RNF115: variants seen among roughly 807,000 people sequenced by gnomAD.
The protein encoded by RNF115 is ring finger protein 115.
In RNF115, 31 loss-of-function variants were observed where a neutral mutation model predicts 39.2. The observed-to-expected ratio is 0.79, with a 90% CI of 0.59 to 1.07. RNF115 has a LOEUF of 1.07. RNF115 is among the 50% of genes least tolerant of loss of function. RNF115 has a pLI of 0.00. For synonymous variants in RNF115, 124 were observed against 131.0 expected (o/e 0.95, Z 0.37); for missense variants, 384 against 381.7 (o/e 1.01, Z -0.05).
In RNF115 at chr1:145,743,831, AAT is replaced by A. The variant is rs1571697139; in HGVS notation, c.*3033_*3034del. 25 of 150,544 alleles carry A rather than the reference AAT, an allele frequency of 1.7e-4. No individual in the cohort carries two copies. The highest frequency in any genetic ancestry group is 1.2e-4 in the Non-Finnish European group (8 of 67,690). The allele number at this position is 150,544 out of a possible 1,614,324, so 9.3% of individuals were successfully genotyped here. ...ATAAATAAATAATAATAATAATAAT[AAT>A]AAATCCCTGAAGAATCCTAACTCCT... On this transcript the variant is annotated 3_prime_UTR_variant, in exon 9 of 9. Coordinates refer to ENST00000582693, the MANE Select transcript of RNF115 (RefSeq NM_014455.4).
rs1657631731 is a variant in RNF115, at chr1:145,739,630, A to C, written c.*7236T>G. Reference sequence around the variant, plus strand: ...AGTCTCACTCTGTTGCCCAGGCTGGAGTGCAGTGGCATGATCTCAGCTCAC... The same window carrying C: ...AGTCTCACTCTGTTGCCCAGGCTGGCGTGCAGTGGCATGATCTCAGCTCAC... On this transcript the variant is annotated 3_prime_UTR_variant, in exon 9 of 9. Transcript: ENST00000582693. The C allele has an allele frequency of 6.8e-6, 1 of 147,820 alleles. No homozygotes were observed. The highest frequency in any genetic ancestry group is 6.9e-5 in the Admixed American group (1 of 14,576). 9.2% of individuals were successfully genotyped at this position (147,820 alleles called of 1,614,324 possible). A position where few individuals can be genotyped will look rare whatever the true frequency, so the allele number is the denominator to read the frequency against.
intron 4 of RNF115, among the ~76,000 whole-genome samples, chr1:145,764,922 A>G (rs587666486): frequency 1.3e-5 from 2 of 152,316 alleles, no homozygotes; most frequent in South Asian, 4.1e-4. Flanking sequence ...TAGGAGGTGT[A>G]CCCAACAGCT....
intron 4 of RNF115, among the ~76,000 whole-genome samples, chr1:145,762,264 T>C (rs1046307303): frequency 6.6e-6 from 1 of 152,160 alleles, no homozygotes; most frequent in South Asian, 2.1e-4. Context: ...GGTTTTGAAA[T>C]GTGAAGACAT....
chr1:145,781,512 T>TG (rs1392349212), intron 3 of RNF115, among the ~76,000 whole-genome samples: 1 of 152,188 alleles, frequency 6.6e-6, no homozygotes, highest in Non-Finnish European at 1.5e-5. Context: ...AAGGCTCCAG[T>TG]GCAAGTTCTA....
intron 4 of RNF115, among the ~76,000 whole-genome samples, chr1:145,768,403 C>G (rs1647480684): frequency 6.6e-6 from 1 of 152,232 alleles, no homozygotes. Flanking sequence ...GCAACCTCCA[C>G]CTCCCAGGTT....
rs587627578 is a variant in RNF115 at position 145,742,519 on chromosome 1, C to G, written c.*4347G>C. 1.3e-5 allele frequency: 2 copies of G among 152,244 alleles called. No homozygotes were observed. The highest frequency in any genetic ancestry group is 4.2e-4 in the South Asian group (2 of 4,814). The allele number at this position is 152,244 out of a possible 1,614,324, so 9.4% of individuals were successfully genotyped here. ...AGCCCAAGCCAACAGTGCCCCATAC[C>G]AGAGAACTCAGGGAAACAAAGACCC... On this transcript the variant is annotated 3_prime_UTR_variant, in exon 9 of 9. Transcript: ENST00000582693.
chr1:145,771,477 A>G (rs1232197441), intron 4 of RNF115, among the ~76,000 whole-genome samples: 1 of 152,220 alleles, frequency 6.6e-6, no homozygotes, highest in African/African-American at 2.4e-5. Context: ...CATATCATCT[A>G]TAAATTAATC....
intron 1 of RNF115, among the ~76,000 whole-genome samples, chr1:145,793,254 C>T (rs1312313864): frequency 6.6e-6 from 1 of 152,180 alleles, no homozygotes; most frequent in Non-Finnish European, 1.5e-5. Context: ...GAAGTTGAGG[C>T]TGCAGTAAGC....
chr1:145,798,802 T>C (rs1395367924), intron 1 of RNF115, among the ~76,000 whole-genome samples: 1 of 152,172 alleles, frequency 6.6e-6, no homozygotes, highest in African/African-American at 2.4e-5. Context: ...GAACACAGGA[T>C]GTCTTTCTAT....
chr1:145,774,005 A>G (rs1338920044), intron 3 of RNF115, among the ~76,000 whole-genome samples: 3 of 152,096 alleles, frequency 2.0e-5, no homozygotes, highest in African/African-American at 7.2e-5. Context: ...AAATGCCACA[A>G]AGATCTCTTA....
chr1:145,821,353 G>C (rs1553724336), intron 1 of RNF115, among the ~76,000 whole-genome samples: 1 of 129,742 alleles, frequency 7.7e-6, no homozygotes, highest in Non-Finnish European at 1.8e-5. Flanking sequence ...CTAAGGCTTA[G>C]AAAAACACCT....
At chr1:145,761,891 T>C (rs1224765922) in intron 4 of RNF115, among the ~76,000 whole-genome samples, 1 of 152,156 alleles carries the variant, frequency 6.6e-6, no homozygotes, top group Non-Finnish European at 1.5e-5. Flanking sequence ...CCCGCAAAGC[T>C]ACAGGGGTGG....
chr1:145,766,765 C>A (rs1647310327), intron 4 of RNF115, among the ~76,000 whole-genome samples: 7 of 88,496 alleles, frequency 7.9e-5, no homozygotes, highest in Admixed American at 7.3e-4. Flanking sequence ...AGGCGCCCCT[C>A]ACCTCCCGGA....
Position 145,746,889 on chromosome 1 carries a change from G to A in RNF115, c.892C>T (p.Leu298=), listed in dbSNP as rs145517263. The A allele has an allele frequency of 1.5e-3, 2,417 of 1,614,058 alleles. 6 individuals are homozygous for A. Among genetic ancestry groups the A allele is most frequent in the Non-Finnish European group, 1.8e-3 (2,157 of 1,179,996 alleles). The change falls in exon 9 of 9, where the codon CTA becomes TTA. Residue 298 remains leucine (L), a synonymous_variant. Coordinates refer to ENST00000582693, the MANE Select transcript of RNF115 (RefSeq NM_014455.4). The part of the protein sequence containing the change: ...ASNRFSNDSQ[L]HDRWTF ...CTTCAGAAAGTCCATCGGTCATGTAGCTGACTGTCATTGCTAAATCTGTTG... is the reference window on the plus strand; with the variant it reads ...CTTCAGAAAGTCCATCGGTCATGTAACTGACTGTCATTGCTAAATCTGTTG...
intron 1 of RNF115, among the ~76,000 whole-genome samples, chr1:145,799,318 G>A (rs377518605): frequency 2.6e-5 from 4 of 151,998 alleles, no homozygotes; most frequent in African/African-American, 4.8e-5. Context: ...CGCCTGCCTC[G>A]GCCTCCCAAA....
At chr1:145,816,669 C>G (rs1553723600) in intron 1 of RNF115, among the ~76,000 whole-genome samples, 2 of 145,078 alleles carry the variant, frequency 1.4e-5, no homozygotes, top group Non-Finnish European at 1.5e-5. Flanking sequence ...GATGTAAACT[C>G]AATACCCAGC....
intron 4 of RNF115, among the ~76,000 whole-genome samples, chr1:145,756,629 C>A (rs984505170): frequency 6.6e-6 from 1 of 152,114 alleles, no homozygotes; most frequent in African/African-American, 2.4e-5. Flanking sequence ...TTTATTCGTT[C>A]ACTGATGTGG....
In RNF115 at chr1:145,746,750, T is replaced by A; in HGVS notation, c.*116A>T. ...AGAAAAACATTCATTGCATTTATAT[T>A]ATGTGTTGAGTTTCTTACATATTCC... On this transcript the variant is annotated 3_prime_UTR_variant, in exon 9 of 9. Coordinates refer to ENST00000582693, the MANE Select transcript of RNF115 (RefSeq NM_014455.4). 1 of 963,412 alleles carries A rather than the reference T, an allele frequency of 1.0e-6. No homozygotes were observed. The highest frequency in any genetic ancestry group is 1.5e-6 in the Non-Finnish European group (1 of 653,572). The allele number at this position is 963,412 out of a possible 1,614,324, so 59.7% of individuals were successfully genotyped here.
intron 3 of RNF115, among the ~76,000 whole-genome samples, chr1:145,779,376 T>C (rs1648022125): frequency 1.3e-5 from 2 of 152,086 alleles, no homozygotes; most frequent in Admixed American, 1.3e-4. Context: ...GGTTTTACCA[T>C]GTTGCCCAGG....
Sources: gnomAD v4.1 joint callset for allele counts (sites outside exome capture counted in the v4.1 genomes callset) on GRCh38, gnomAD v4.1.1 for gene constraint, MANE v1.5 for transcripts, NCBI Gene and HGNC (gene_info 2026-07-23, HGNC 2026-07-21) for gene names.